Variants in ABCA6 observed in about 807,000 individuals in gnomAD.
ABCA6 encodes the protein ATP-binding cassette sub-family A member 6.
Under a neutral mutation model 191.2 loss-of-function variants are expected in ABCA6, and 164 were observed. The observed-to-expected ratio is 0.86, with a 90% CI of 0.76 to 0.98. ABCA6 has a LOEUF of 0.98. Among genes scored for constraint, ABCA6 ranks in the 50% least tolerant of loss-of-function variants. ABCA6 has a pLI of 0.00. For synonymous variants in ABCA6, 636 were observed against 647.7 expected, an observed-to-expected ratio of 0.98 and a Z score of 0.27; for missense variants, 1,958 against 1,894.1, an observed-to-expected ratio of 1.03 and a Z score of -0.63.
At chr17:69,140,333 C>G (rs1230183621) in intron 2 of ABCA6, among the ~76,000 whole-genome samples, 1 of 151,980 alleles carries the variant, frequency 6.6e-6, no homozygotes, top group African/African-American at 2.4e-5. Flanking sequence ...TACTTCTTGG[C>G]TCTAAGTGTA....
At chr17:69,085,485 T>C in intron 31 of ABCA6, 140 bp downstream of exon 31, 1 of 672,412 alleles carries the variant, frequency 1.5e-6, no homozygotes, top group African/African-American at 2.1e-5. Context: ...CCAGTAAAAA[T>C]TTAAAGAGGG....
At chr17:69,086,555 A>G in intron 30 of ABCA6, 63 bp downstream of exon 30, 1 of 975,662 alleles carries the variant, frequency 1.0e-6, no homozygotes. Flanking sequence ...TGTGCCTATG[A>G]CATAGATGTT....
At chr17:69,121,221 T>C (rs28524118) in intron 10 of ABCA6, among the ~76,000 whole-genome samples, 1 of 152,034 alleles carries the variant, frequency 6.6e-6, no homozygotes, top group Non-Finnish European at 1.5e-5. Flanking sequence ...CACTAAGAAA[T>C]GATCACTGTG....
chr17:69,096,996 T>C (rs2073063240), intron 23 of ABCA6, among the ~76,000 whole-genome samples, 195 bp from the exon 24 acceptor site: 1 of 152,114 alleles, frequency 6.6e-6, no homozygotes, highest in Admixed American at 6.6e-5. Context: ...AAGGTGTCTA[T>C]CAAAAATAAA....
In ABCA6 at chr17:69,114,765, T is replaced by C; in HGVS notation, c.1779A>G (p.Gln593=). The change falls in exon 13 of 39, where the codon CAA becomes CAG. Residue 593 remains glutamine (Q), a synonymous_variant. Coordinates refer to ENST00000284425, the MANE Select transcript of ABCA6 (RefSeq NM_080284.3). The part of the protein sequence containing the change: ...IKGIHLKEVE[Q]EVQRILLELD... The stretch of plus-strand genomic sequence containing the variant: ...TAATCCAAGCATGCCCTCCTACCTC[T>C]TGTTCCACTTCCTTTAGATGAATCC... 1 of 1,608,788 alleles carries C rather than the reference T, an allele frequency of 6.2e-7. No individual in the cohort carries two copies. Among genetic ancestry groups the C allele is most frequent in the Non-Finnish European group, 8.5e-7 (1 of 1,177,754 alleles).
Position 69,096,611 on chromosome 17 carries a change from T to C in ABCA6, c.3294+17A>G. On this transcript the variant is annotated intron_variant, in intron 24 of 38. Transcript: ENST00000284425. The stretch of plus-strand genomic sequence containing the variant: ...TAATTACTTTATGAAATTTGGTTTA[T>C]GTACTGTGTTACTTACCAAAGCAAA... 6.8e-7 allele frequency: 1 copy of C among 1,470,212 alleles called. No homozygotes were observed. The highest frequency in any genetic ancestry group is 1.5e-5 in the South Asian group (1 of 65,828). 91.1% of individuals were successfully genotyped at this position (1,470,212 alleles called of 1,614,324 possible).
rs16973622 is a variant in ABCA6 at position 69,129,196 on chromosome 17, C to A, written c.934-392G>T. 8.6e-5 allele frequency among the ~76,000 whole-genome samples: 13 copies of A among 151,904 alleles called. No homozygotes were observed. The South Asian group carries it at 1.5e-3, about 17-fold the overall frequency. ...AGGTTCTTGTTCAGAGAAGGCAGAG[C>A]GGAGTGAAACGAGAAGTAAGTATGA... is the stretch of plus-strand genomic sequence containing the variant. On this transcript the variant is annotated intron_variant, in intron 7 of 38. Transcript: ENST00000284425.
chr17:69,083,568 A>G (rs1172750725), intron 34 of ABCA6, among the ~76,000 whole-genome samples: 1 of 152,188 alleles, frequency 6.6e-6, no homozygotes, highest in Admixed American at 6.5e-5. Flanking sequence ...AAATTAAAGA[A>G]TATGTTGCTT....
intron 25 of ABCA6, among the ~76,000 whole-genome samples, chr17:69,092,084 G>A (rs1237039709): frequency 1.3e-5 from 2 of 151,992 alleles, no homozygotes; most frequent in Non-Finnish European, 2.9e-5. Context: ...TATTTTTATT[G>A]TGATGGACTT....
chr17:69,123,396 G>A lies in ABCA6; in HGVS notation c.1279C>T (p.Arg427Cys), dbSNP rs758085328. Residue 427 changes from arginine (R) to cysteine (C), a missense_variant, in exon 10 of 39, where the codon CGC becomes TGC. Coordinates refer to ENST00000284425, the MANE Select transcript of ABCA6 (RefSeq NM_080284.3). Reference sequence around the variant, plus strand: ...AAGAAAAATAAAGGAGAATAATGGCGCTCATCTCCATCTAATTAACCAAGA... The same window carrying A: ...AAGAAAAATAAAGGAGAATAATGGCACTCATCTCCATCTAATTAACCAAGA... ...FDKILPYGDE[R>C]HYSPLFFLNS... 44 of 1,485,306 alleles carry A rather than the reference G, an allele frequency of 3.0e-5. No individual in the cohort carries two copies. The highest frequency in any genetic ancestry group is 2.9e-4 in the East Asian group (12 of 40,810). 92.0% of individuals were successfully genotyped at this position (1,485,306 alleles called of 1,614,324 possible).
chr17:69,103,005 T>A (rs2073216092), intron 20 of ABCA6, 37 bp from the exon 21 acceptor site: 1 of 1,304,826 alleles, frequency 7.7e-7, no homozygotes, highest in Non-Finnish European at 1.1e-6. Context: ...CATAGAAAAG[T>A]AAGAAAATAC....
At chr17:69,127,671 G>A (rs771922017) in intron 8 of ABCA6, among the ~76,000 whole-genome samples, 25 of 152,130 alleles carry the variant, frequency 1.6e-4, no homozygotes, top group Admixed American at 7.2e-4. Context: ...CACTGTTGAT[G>A]TAAAACTAAA....
chr17:69,087,489 A>G lies in ABCA6; in HGVS notation c.3699-16T>C, dbSNP rs764431589. On this transcript the variant is annotated splice_polypyrimidine_tract_variant and intron_variant, in intron 28 of 38. Coordinates refer to ENST00000284425, the MANE Select transcript of ABCA6 (RefSeq NM_080284.3). ...GGGGGAAATTCTATGGAGAAAATGAAATGTGTTACATGTGGTATTCTAGCT... is the reference window on the plus strand; with the variant it reads ...GGGGGAAATTCTATGGAGAAAATGAGATGTGTTACATGTGGTATTCTAGCT... 5 of 1,613,112 alleles carry G rather than the reference A, an allele frequency of 3.1e-6. No individual in the cohort carries two copies. The African/African-American group carries it at 6.7e-5, about 22-fold the overall frequency.
rs1233370379 is a variant in ABCA6 at position 69,129,487 on chromosome 17, C to T, written c.933+123G>A. 1.2e-5 allele frequency: 9 copies of T among 764,132 alleles called. No individual in the cohort carries two copies. The African/African-American group carries it at 1.4e-4, about 12-fold the overall frequency. 47.3% of individuals were successfully genotyped at this position (764,132 alleles called of 1,614,324 possible). On this transcript the variant is annotated intron_variant, in intron 7 of 38. Transcript: ENST00000284425. ...ACTATTTCAAGTACACACAAGGACACACACATGCACACACACAATGGACAT... is the reference window on the plus strand; with the variant it reads ...ACTATTTCAAGTACACACAAGGACATACACATGCACACACACAATGGACAT...
chr17:69,126,172 T>C (rs1401618194), intron 8 of ABCA6, among the ~76,000 whole-genome samples: 2 of 152,128 alleles, frequency 1.3e-5, no homozygotes, highest in African/African-American at 4.8e-5. Context: ...TTGGGTTTAG[T>C]AAGAGAATAT....
At chr17:69,085,543 A>G in intron 31 of ABCA6, 82 bp downstream of exon 31, 1 of 862,644 alleles carries the variant, frequency 1.2e-6, no homozygotes, top group Non-Finnish European at 1.7e-6. Flanking sequence ...AAAGAAAAGA[A>G]AAATAGTATA....
chr17:69,107,866 C>G (rs185844296), intron 17 of ABCA6, 54 bp from the exon 18 acceptor site: 1 of 985,396 alleles, frequency 1.0e-6, no homozygotes, highest in Non-Finnish European at 1.6e-6. Flanking sequence ...GAGAACTAAA[C>G]CAAGTAAATT....
chr17:69,095,124 G>GT, intron 25 of ABCA6: 1 of 210,466 alleles, frequency 4.8e-6, no homozygotes, highest in South Asian at 9.0e-5. Flanking sequence ...AACCAACCAA[G>GT]TGTCAGTAAG....
At position 69,106,189 on chromosome 17, in the gene ABCA6, TATC is replaced by T. The variant is rs757082338; in HGVS notation, c.2409_2411del (p.Met803del). 2 of 1,612,486 alleles carry T rather than the reference TATC, an allele frequency of 1.2e-6. No individual in the cohort carries two copies. Among genetic ancestry groups the T allele is most frequent in the Non-Finnish European group, 1.7e-6 (2 of 1,179,392 alleles). On this transcript the variant is annotated inframe_deletion, in exon 19 of 39. Coordinates refer to ENST00000284425, the MANE Select transcript of ABCA6 (RefSeq NM_080284.3). Reference sequence around the variant, plus strand: ...TTTCATTGAGGCTTTCTGAGTCTCTTATCATCTCCACTTGTTCGAAATCTATAA... The same window carrying T: ...TTTCATTGAGGCTTTCTGAGTCTCTTATCTCCACTTGTTCGAAATCTATAA...
Sources: gnomAD v4.1 joint callset for allele counts (sites outside exome capture counted in the v4.1 genomes callset) on GRCh38, gnomAD v4.1.1 for gene constraint, MANE v1.5 for transcripts, NCBI Gene and HGNC (gene_info 2026-07-23, HGNC 2026-07-21) for gene names.